MRGBP: variants seen among roughly 807,000 people sequenced by gnomAD.
MRGBP encodes MRG/MORF4L-binding protein.
MRGBP carries 5 observed loss-of-function variants against 21.5 expected under a neutral mutation model. The ratio of observed to expected loss-of-function variants is 0.23; its 90% CI spans 0.12 to 0.49. MRGBP has a LOEUF of 0.49. Ranked by LOEUF, MRGBP falls within the 20% of genes least tolerant of loss-of-function variation. The probability of loss-of-function intolerance (pLI) is 0.98; values close to 1 mark genes in which losing one functional copy is unlikely to be tolerated. For synonymous variants in MRGBP, 118 were observed against 104.4 expected (o/e 1.13, Z -0.79); for missense variants, 227 against 277.4 (o/e 0.82, Z 1.29).
intron 2 of MRGBP, among the ~76,000 whole-genome samples, 174 bp from the exon 3 acceptor site, chr20:62,798,413 G>A (rs1297000601): frequency 2.6e-5 from 4 of 152,214 alleles, no homozygotes; most frequent in Non-Finnish European, 4.4e-5. Context: ...TGTGGCAGGC[G>A]CTGTTCACAA....
rs555772696 is a variant in MRGBP at position 62,798,141 on chromosome 20, C to T, written c.271-446C>T. On this transcript the variant is annotated intron_variant, in intron 2 of 4. Coordinates refer to ENST00000370487, the MANE Select transcript of MRGBP (RefSeq NM_018270.6). ...CCGACACCCTCGGTGTCCATGGGCT[C>T]CTGCCACGTGGATGAGAACTCGAGG... is the stretch of plus-strand genomic sequence containing the variant. Among the ~76,000 whole-genome samples the T allele has an allele frequency of 1.1e-4, 17 of 152,340 alleles. No individual in the cohort carries two copies. The East Asian group carries it at 3.3e-3, about 29-fold the overall frequency.
chr20:62,798,549 C>T, intron 2 of MRGBP, 38 bp from the exon 3 acceptor site: 1 of 1,570,494 alleles, frequency 6.4e-7, no homozygotes, highest in Non-Finnish European at 8.8e-7. Flanking sequence ...TGCATCTTCA[C>T]CCTTGTTTCT....
At chr20:62,798,879 TG>T in intron 3 of MRGBP, 95 bp from the exon 4 acceptor site, 1 of 1,587,560 alleles carries the variant, frequency 6.3e-7, no homozygotes, top group Non-Finnish European at 8.6e-7. Flanking sequence ...GAGGCCTGTG[TG>T]GGCAGCAAGC....
chr20:62,798,678 G>T lies in MRGBP; in HGVS notation c.352+10G>T, dbSNP rs902475751. ...CAGGAGGTCCGAGAAGGTGAGGCTC[G>T]GGAAAGGTTGGGCTTGGGATTCAGA... On this transcript the variant is annotated intron_variant, in intron 3 of 4. Coordinates refer to ENST00000370487, the MANE Select transcript of MRGBP (RefSeq NM_018270.6). 6.2e-7 allele frequency: 1 copy of T among 1,613,124 alleles called. No individual in the cohort carries two copies. Among genetic ancestry groups the T allele is most frequent in the Admixed American group, 1.7e-5 (1 of 59,996 alleles).
rs2147177304 is a variant in MRGBP, at chr20:62,801,157, C to T, written c.*1514C>T. On this transcript the variant is annotated 3_prime_UTR_variant, in exon 5 of 5. Coordinates refer to ENST00000370487, the MANE Select transcript of MRGBP (RefSeq NM_018270.6). ...CTGCCACTCGTCTGCACCAAACGCACTGCCAGTTCTGGGGAAGAACAGCCC... is the reference window on the plus strand; with the variant it reads ...CTGCCACTCGTCTGCACCAAACGCATTGCCAGTTCTGGGGAAGAACAGCCC... 6.6e-6 allele frequency: 1 copy of T among 152,406 alleles called. No individual in the cohort carries two copies. The highest frequency in any genetic ancestry group is 1.9e-4 in the East Asian group (1 of 5,190). 9.4% of individuals were successfully genotyped at this position (152,406 alleles called of 1,614,324 possible). A position where few individuals can be genotyped will look rare whatever the true frequency, so the allele number is the denominator to read the frequency against.
intron 2 of MRGBP, 37 bp from the exon 3 acceptor site, chr20:62,798,550 C>T (rs1351549662): frequency 6.4e-7 from 1 of 1,573,238 alleles, no homozygotes; most frequent in Admixed American, 1.7e-5. Flanking sequence ...GCATCTTCAC[C>T]CTTGTTTCTT....
intron 1 of MRGBP, 33 bp downstream of exon 1, chr20:62,796,704 C>A: frequency 8.0e-7 from 1 of 1,253,780 alleles, no homozygotes; most frequent in African/African-American, 1.6e-5. Context: ...CGCGTGGGGG[C>A]GGGGCGGGCA....
At chr20:62,798,908 C>T in intron 3 of MRGBP, 67 bp from the exon 4 acceptor site, 1 of 1,607,142 alleles carries the variant, frequency 6.2e-7, no homozygotes, top group Middle Eastern at 1.7e-4. Flanking sequence ...CAGTCCCTGG[C>T]CTGACCATCC....
chr20:62,797,243 C>A lies in MRGBP; in HGVS notation c.270+12C>A. 6.4e-7 allele frequency: 1 copy of A among 1,566,134 alleles called. No homozygotes were observed. Among genetic ancestry groups the A allele is most frequent in the Non-Finnish European group, 8.6e-7 (1 of 1,156,332 alleles). On this transcript the variant is annotated intron_variant, in intron 2 of 4. Coordinates refer to ENST00000370487, the MANE Select transcript of MRGBP (RefSeq NM_018270.6). ...ACATGCAGGCGCTGGTGAGCCCAAC[C>A]GCCCTCCCTGTGCCGCCCGATGGGG...
chr20:62,798,046 C>T (rs1990373248), intron 2 of MRGBP, among the ~76,000 whole-genome samples: 1 of 152,140 alleles, frequency 6.6e-6, no homozygotes, highest in South Asian at 2.1e-4. Context: ...GTCTGTGCGA[C>T]CTCAGGAGGG....
At position 62,799,458 on chromosome 20, in the gene MRGBP, T is replaced by G; in HGVS notation, c.430T>G (p.Phe144Val). 2 of 1,604,784 alleles carry G rather than the reference T, an allele frequency of 1.2e-6. No individual in the cohort carries two copies. Among genetic ancestry groups the G allele is most frequent in the Non-Finnish European group, 1.7e-6 (2 of 1,175,644 alleles). ...VDPHNGADDV[F>V]SSSGSLGKAS... ...CCAAGTGATTTTTCGTTTCTCAGTT[T>G]TTTCATCTTCAGGGAGTTTGGGGAA... Residue 144 changes from phenylalanine (F) to valine (V), a missense_variant and splice_region_variant, in exon 5 of 5, where the codon TTT becomes GTT. Physicochemically the swap from Phe to Val is conservative, Grantham distance 50. Transcript: ENST00000370487.
In MRGBP at chr20:62,799,933, C is replaced by T. The variant is rs547367728; in HGVS notation, c.*290C>T. 17 of 349,538 alleles carry T rather than the reference C, an allele frequency of 4.9e-5. No homozygotes were observed. The highest frequency in any genetic ancestry group is 1.3e-4 in the East Asian group (3 of 22,438). The allele number at this position is 349,538 out of a possible 1,614,324, so 21.7% of individuals were successfully genotyped here. A position where few individuals can be genotyped will look rare whatever the true frequency, so the allele number is the denominator to read the frequency against. ...TTCTCTGGAGCAGCTGTGGCTTCCC[C>T]GTGGCTGCTTGGTGACATGGATTAG... On this transcript the variant is annotated 3_prime_UTR_variant, in exon 5 of 5. Coordinates refer to ENST00000370487, the MANE Select transcript of MRGBP (RefSeq NM_018270.6).
chr20:62,797,490 C>T (rs1236289496), intron 2 of MRGBP, among the ~76,000 whole-genome samples: 2 of 152,198 alleles, frequency 1.3e-5, no homozygotes, highest in African/African-American at 4.8e-5. Context: ...GGAGGACATC[C>T]CGGGGCTCCA....
At position 62,799,723 on chromosome 20, in the gene MRGBP, C is replaced by T; in HGVS notation, c.*80C>T. Reference sequence around the variant, plus strand: ...GGGTTGGCTGGGTCTGAGTGCCACCCCCCAGGCCACAGTGATACCATCCCA... The same window carrying T: ...GGGTTGGCTGGGTCTGAGTGCCACCTCCCAGGCCACAGTGATACCATCCCA... On this transcript the variant is annotated 3_prime_UTR_variant, in exon 5 of 5. Coordinates refer to ENST00000370487, the MANE Select transcript of MRGBP (RefSeq NM_018270.6). 1 of 1,445,958 alleles carries T rather than the reference C, an allele frequency of 6.9e-7. No individual in the cohort carries two copies. Among genetic ancestry groups the T allele is most frequent in the Non-Finnish European group, 9.3e-7 (1 of 1,072,570 alleles). 89.6% of individuals were successfully genotyped at this position (1,445,958 alleles called of 1,614,324 possible).
In MRGBP at chr20:62,799,661, C is replaced by T. The variant is rs372413684; in HGVS notation, c.*18C>T. 62 of 1,598,842 alleles carry T rather than the reference C, an allele frequency of 3.9e-5. No homozygotes were observed. Among genetic ancestry groups the T allele is most frequent in the Middle Eastern group, 1.8e-4 (1 of 5,454 alleles). On this transcript the variant is annotated 3_prime_UTR_variant, in exon 5 of 5. Coordinates refer to ENST00000370487, the MANE Select transcript of MRGBP (RefSeq NM_018270.6). ...GCACGTAGACCCTCAGCCCTGGTGGCGGCAGAGAAGCGGGCGAGGCACTGT... is the reference window on the plus strand; with the variant it reads ...GCACGTAGACCCTCAGCCCTGGTGGTGGCAGAGAAGCGGGCGAGGCACTGT...
intron 3 of MRGBP, 85 bp from the exon 4 acceptor site, chr20:62,798,890 C>T (rs988230217): frequency 4.4e-6 from 7 of 1,595,558 alleles, no homozygotes; most frequent in Admixed American, 1.7e-5. Context: ...GGGCAGCAAG[C>T]GTCGGAGCAG....
At chr20:62,798,267 G>A (rs1358817022) in intron 2 of MRGBP, among the ~76,000 whole-genome samples, 1 of 152,162 alleles carries the variant, frequency 6.6e-6, no homozygotes, top group Non-Finnish European at 1.5e-5. Flanking sequence ...GGCAGGCGGA[G>A]CCCACAGGTG....
chr20:62,801,473 G>A lies in MRGBP; in HGVS notation c.*1830G>A, dbSNP rs1258504773. Reference sequence around the variant, plus strand: ...CCCCCTTGCCCGTCTGATCTCTCCTGTTAGGTCAGCCTCATTCAGGGCTTT... The same window carrying A: ...CCCCCTTGCCCGTCTGATCTCTCCTATTAGGTCAGCCTCATTCAGGGCTTT... On this transcript the variant is annotated 3_prime_UTR_variant, in exon 5 of 5. Transcript: ENST00000370487. 1.3e-5 allele frequency: 2 copies of A among 152,306 alleles called. No individual in the cohort carries two copies. The highest frequency in any genetic ancestry group is 1.9e-4 in the East Asian group (1 of 5,192). 9.4% of individuals were successfully genotyped at this position (152,306 alleles called of 1,614,324 possible).
rs939730527 is a variant in MRGBP, at chr20:62,799,151, A to G, written c.427+102A>G. 5.6e-6 allele frequency: 7 copies of G among 1,251,800 alleles called. No individual in the cohort carries two copies. In the Admixed American group the frequency reaches 1.5e-4, roughly 27 times the overall value. The allele number at this position is 1,251,800 out of a possible 1,614,324, so 77.5% of individuals were successfully genotyped here. The stretch of plus-strand genomic sequence containing the variant: ...CAGGTGGGCGTAGAGCCTGCGGTGC[A>G]GAGGCCCCAGGCAGGTCATCTAGGC... On this transcript the variant is annotated intron_variant, in intron 4 of 4. Transcript: ENST00000370487.
Sources: allele counts gnomAD v4.1 joint callset (sites outside exome capture counted in the v4.1 genomes callset), GRCh38; gene constraint gnomAD v4.1.1; transcripts MANE v1.5; gene names NCBI Gene and HGNC (gene_info 2026-07-23, HGNC 2026-07-21).